Variants in PLCH2 observed in about 807,000 individuals in gnomAD.
PLCH2 encodes the protein phospholipase C eta 2, also known as 1-phosphatidylinositol 4,5-bisphosphate phosphodiesterase eta-2.
A neutral mutation model predicts 134.7 loss-of-function variants in PLCH2; 98 were observed. The observed-to-expected ratio is 0.73, with a 90% confidence interval of 0.62 to 0.86. PLCH2 has a LOEUF of 0.86. Ranked by LOEUF, PLCH2 falls within the 40% of genes least tolerant of loss-of-function variation. PLCH2 has a pLI of 0.00. For synonymous variants in PLCH2, 974 were observed against 827.5 expected (o/e 1.18, Z -3.04); for missense variants, 1,994 against 1,986.6 (o/e 1.00, Z -0.07).
chr1:2,419,131 C>T, the PLCH2 span, among the ~76,000 whole-genome samples: 1 of 152,216 alleles, frequency 6.6e-6, no homozygotes, highest in Non-Finnish European at 1.5e-5. Flanking sequence ...CCTTGCCCTT[C>T]CCTGCGTGGG....
At chr1:2,443,141 C>G (rs1328987988) in intron 2 of PLCH2, among the ~76,000 whole-genome samples, 1 of 152,196 alleles carries the variant, frequency 6.6e-6, no homozygotes, top group Non-Finnish European at 1.5e-5. Context: ...GCTCCCTCCC[C>G]CCAGAGGTGG....
chr1:2,487,763 G>T, intron 8 of PLCH2, 45 bp downstream of exon 8: 1 of 1,590,646 alleles, frequency 6.3e-7, no homozygotes, highest in Non-Finnish European at 8.6e-7. Context: ...GGTGGGCAGG[G>T]TAGGGTCTCC....
At chr1:2,469,178 T>G (rs1043055668) in intron 1 of PLCH2, among the ~76,000 whole-genome samples, 1 of 152,200 alleles carries the variant, frequency 6.6e-6, no homozygotes, top group Non-Finnish European at 1.5e-5. Context: ...CTGGAGTCAC[T>G]GCCCTGTGCT....
At chr1:2,480,575 C>T (rs926574503) in intron 4 of PLCH2, among the ~76,000 whole-genome samples, 1 of 151,724 alleles carries the variant, frequency 6.6e-6, no homozygotes, top group African/African-American at 2.4e-5. Context: ...GGAAAGTGGT[C>T]GGGGCACCTG....
In PLCH2 at chr1:2,448,993, G is replaced by A. The variant is rs1640072550; in HGVS notation, c.115+18364G>A. ...GAAAGGGCCGTGGGCTTGGGCCCTGGAACGCATCCCAGGATCAGTGGCTCT... is the reference window on the plus strand; with the variant it reads ...GAAAGGGCCGTGGGCTTGGGCCCTGAAACGCATCCCAGGATCAGTGGCTCT... On this transcript the variant is annotated intron_variant, in intron 2 of 3. Coordinates refer to the PLCH2 transcript ENST00000609981. The surrounding 1 kb of genome is among the most constrained non-coding windows in gnomAD (Gnocchi z 4.0). Among the ~76,000 whole-genome samples, 2 of 152,218 alleles carry A rather than the reference G, an allele frequency of 1.3e-5. No individual in the cohort carries two copies. The highest frequency in any genetic ancestry group is 1.5e-5 in the Non-Finnish European group (1 of 68,038).
chr1:2,483,393 CT>C (rs1181398336), intron 4 of PLCH2, among the ~76,000 whole-genome samples: 1 of 152,206 alleles, frequency 6.6e-6, no homozygotes, highest in East Asian at 1.9e-4. Flanking sequence ...TGCTGAGCAG[CT>C]GGGCAGGTGT....
intron 2 of PLCH2, among the ~76,000 whole-genome samples, chr1:2,437,281 A>T (rs1639469379): frequency 6.6e-6 from 1 of 151,708 alleles, no homozygotes; most frequent in Non-Finnish European, 1.5e-5. Context: ...CTGAGCACGG[A>T]CTCCTGTTCC....
chr1:2,503,185 TGGGGCC>T (rs1295793047), intron 21 of PLCH2: 5 of 610,556 alleles, frequency 8.2e-6, no homozygotes, highest in Non-Finnish European at 1.5e-5. Context: ...GCTGAGGGTC[TGGGGCC>T]GGGACTGTGG....
intron 19 of PLCH2, 64 bp downstream of exon 19, chr1:2,499,294 C>A: frequency 1.3e-6 from 2 of 1,573,472 alleles, no homozygotes; most frequent in Non-Finnish European, 1.7e-6. Context: ...GGCAGGTACT[C>A]TTTCCCCTGT....
At chr1:2,458,078 TGA>T (rs1640585901) in intron 2 of PLCH2, among the ~76,000 whole-genome samples, 1 of 151,918 alleles carries the variant, frequency 6.6e-6, no homozygotes, top group African/African-American at 2.4e-5. Flanking sequence ...GCTGTGTGTG[TGA>T]GTGGGGGTGG....
chr1:2,424,848 T>C (rs1156773451), upstream of PLCH2, among the ~76,000 whole-genome samples: 1 of 152,090 alleles, frequency 6.6e-6, no homozygotes, highest in African/African-American at 2.4e-5. Context: ...TAGCTGGGCA[T>C]GGTGGCGGGC....
chr1:2,473,874 G>C (rs1341862431), upstream of PLCH2, among the ~76,000 whole-genome samples: 2 of 152,226 alleles, frequency 1.3e-5, no homozygotes, highest in Admixed American at 1.3e-4. Context: ...CCTCTGGTGT[G>C]GGCCCACAGC....
chr1:2,457,528 G>T (rs1640552528), intron 2 of PLCH2, among the ~76,000 whole-genome samples: 1 of 152,208 alleles, frequency 6.6e-6, no homozygotes. Context: ...TCTGAGATCT[G>T]CTGAGATGGG....
intron 11 of PLCH2, 128 bp downstream of exon 11, chr1:2,491,463 C>A: frequency 2.1e-6 from 2 of 946,026 alleles, no homozygotes; most frequent in Non-Finnish European, 3.2e-6. Flanking sequence ...AATCTGCACA[C>A]AAGCATACCT....
At chr1:2,502,546 CG>C (rs2100743346) in intron 21 of PLCH2, 137 bp downstream of exon 21, 1 of 959,330 alleles carries the variant, frequency 1.0e-6, no homozygotes, top group Non-Finnish European at 1.6e-6. Flanking sequence ...GCGTGAACAC[CG>C]GGGGCCTGCA....
intron 8 of PLCH2, 80 bp from the exon 9 acceptor site, chr1:2,489,127 C>A: frequency 7.8e-7 from 1 of 1,278,404 alleles, no homozygotes; most frequent in Non-Finnish European, 1.1e-6. Flanking sequence ...GTTTAGATGA[C>A]CTGGGATCTT....
chr1:2,472,390 C>T (rs941619446), upstream of PLCH2, among the ~76,000 whole-genome samples: 1 of 152,212 alleles, frequency 6.6e-6, no homozygotes, highest in African/African-American at 2.4e-5. Flanking sequence ...CTCCTGCATG[C>T]TGGGCCGGCC....
chr1:2,443,838 G>A (rs897864462), intron 2 of PLCH2, among the ~76,000 whole-genome samples: 56 of 149,044 alleles, frequency 3.8e-4, no homozygotes, highest in African/African-American at 1.3e-3. Flanking sequence ...CGCGGGAGCC[G>A]GAGCCCCAGC....
At position 2,491,312 on chromosome 1, in the gene PLCH2, C is replaced by T. The variant is rs548311204; in HGVS notation, c.1636C>T (p.Pro546Ser). The T allele has an allele frequency of 7.4e-6, 12 of 1,613,150 alleles. No individual in the cohort carries two copies. The South Asian group carries it at 1.3e-4, about 18-fold the overall frequency. The change falls in exon 11 of 22, where the codon CCA (proline) becomes TCA (serine). Residue 546 changes from proline (P) to serine (S), a missense_variant. Transcript: ENST00000378486. ...PNNFSVSTLS[P>S]SGKLGRKSKA... ...CAACTTCTCCGTCTCCACACTGTCC[C>T]CATCTGGAAAGCTCGGACGCAAGGT...
Sources: gnomAD v4.1 joint callset for allele counts (sites outside exome capture counted in the v4.1 genomes callset) on GRCh38, gnomAD v4.1.1 for gene constraint, Gnocchi (gnomAD v3.1) non-coding constraint, MANE v1.5 for transcripts, NCBI Gene and HGNC (gene_info 2026-07-23, HGNC 2026-07-21) for gene names.